Variants in COL14A1 observed in about 807,000 individuals in gnomAD.
The protein encoded by COL14A1 is collagen alpha-1(XIV) chain.
COL14A1 carries 136 observed loss-of-function variants against 230.3 expected under a neutral mutation model. That is an observed-to-expected ratio of 0.59 (90% CI 0.51 to 0.68). The LOEUF (loss-of-function observed/expected upper bound fraction) is 0.68. COL14A1 is among the 30% of genes least tolerant of loss of function. COL14A1 has a pLI of 0.00. For synonymous variants in COL14A1, 792 were observed against 784.1 expected (o/e 1.01, Z -0.17); for missense variants, 1,976 against 2,215.8 (o/e 0.89, Z 2.17).
At chr8:120,205,068 C>A (rs1051617935) in intron 9 of COL14A1, among the ~76,000 whole-genome samples, 3 of 150,940 alleles carry the variant, frequency 2.0e-5, no homozygotes, top group African/African-American at 4.9e-5. Flanking sequence ...TCCCACTAGG[C>A]CTTTGCTGGC....
intron 8 of COL14A1, among the ~76,000 whole-genome samples, chr8:120,201,325 T>A (rs1817240570): frequency 6.6e-6 from 1 of 152,140 alleles, no homozygotes; most frequent in Admixed American, 6.6e-5. Context: ...TAGCTCAGTG[T>A]TGTGCAGGAG....
intron 35 of COL14A1, among the ~76,000 whole-genome samples, chr8:120,299,031 T>A (rs928138440): frequency 2.0e-5 from 3 of 151,866 alleles, no homozygotes; most frequent in Admixed American, 1.3e-4. Flanking sequence ...AAGAATGTGC[T>A]CACTATCACA....
At chr8:120,324,927 A>G (rs1821607113) in intron 40 of COL14A1, among the ~76,000 whole-genome samples, 2 of 152,180 alleles carry the variant, frequency 1.3e-5, no homozygotes, top group East Asian at 1.9e-4. Context: ...CCTAGAAACT[A>G]TAAACTTTTA....
In COL14A1 at chr8:120,255,178, G is replaced by C. The variant is rs138789364; in HGVS notation, c.2753-62G>C. 3.7e-4 allele frequency: 501 copies of C among 1,339,610 alleles called. 5 individuals are homozygous for C. The East Asian group carries it at 0.011, about 31-fold the overall frequency. The allele number at this position is 1,339,610 out of a possible 1,614,324, so 83.0% of individuals were successfully genotyped here. A position where few individuals can be genotyped will look rare whatever the true frequency, so the allele number is the denominator to read the frequency against. Reference sequence around the variant, plus strand: ...AAAATTTTTCCAGAAGTTAATTTCAGATTCAGGGATGCTTGTGTGTTGTCT... The same window carrying C: ...AAAATTTTTCCAGAAGTTAATTTCACATTCAGGGATGCTTGTGTGTTGTCT... On this transcript the variant is annotated intron_variant, in intron 22 of 47. Coordinates refer to ENST00000297848, the MANE Select transcript of COL14A1 (RefSeq NM_021110.4).
At position 120,345,573 on chromosome 8, in the gene COL14A1, G is replaced by T. The variant is rs200707826; in HGVS notation, c.5077+10G>T. ...ACCCCAGGAGAACGAGGTAAGCTGGGCCCCTTCTCTCAGAGGAACTCCTCT... is the reference window on the plus strand; with the variant it reads ...ACCCCAGGAGAACGAGGTAAGCTGGTCCCCTTCTCTCAGAGGAACTCCTCT... On this transcript the variant is annotated intron_variant, in intron 45 of 47. Coordinates refer to ENST00000297848, the MANE Select transcript of COL14A1 (RefSeq NM_021110.4). 1.3e-6 allele frequency: 2 copies of T among 1,521,046 alleles called. No homozygotes were observed. Among genetic ancestry groups the T allele is most frequent in the Non-Finnish European group, 1.8e-6 (2 of 1,140,732 alleles). The allele number at this position is 1,521,046 out of a possible 1,614,324, so 94.2% of individuals were successfully genotyped here.
chr8:120,358,324 G>C (rs1423420278), intron 45 of COL14A1, among the ~76,000 whole-genome samples: 6 of 151,956 alleles, frequency 3.9e-5, no homozygotes, highest in Admixed American at 3.9e-4. Flanking sequence ...TTACAATGAG[G>C]CTACATTGTC....
At chr8:120,328,281 T>G (rs1821751685) in intron 40 of COL14A1, among the ~76,000 whole-genome samples, 1 of 152,178 alleles carries the variant, frequency 6.6e-6, no homozygotes, top group South Asian at 2.1e-4. Flanking sequence ...TCACCCAGAC[T>G]GGAGTGCAGT....
At chr8:120,190,229 T>A (rs1234287737) in intron 5 of COL14A1, among the ~76,000 whole-genome samples, 1 of 152,164 alleles carries the variant, frequency 6.6e-6, no homozygotes, top group African/African-American at 2.4e-5. Context: ...ATTTCTCTGA[T>A]GGCCAGTGAT....
chr8:120,182,767 C>A (rs1171024287), intron 5 of COL14A1, among the ~76,000 whole-genome samples: 3 of 135,690 alleles, frequency 2.2e-5, no homozygotes, highest in Non-Finnish European at 4.5e-5. Context: ...CACTCTGTAG[C>A]CCAAGCTAAA....
chr8:120,237,138 G>A (rs976616516), intron 19 of COL14A1, among the ~76,000 whole-genome samples: 6 of 152,138 alleles, frequency 3.9e-5, no homozygotes, highest in Non-Finnish European at 7.3e-5. Context: ...TGTATTTCCT[G>A]AATTTGAATG....
In COL14A1 at chr8:120,208,378, AC is replaced by A; in HGVS notation, c.1321+21del. ...AAACTACACGTATGTATTTAATTCT[AC>A]CCCACTTCTAACTTTGTAGAGTGCT... On this transcript the variant is annotated intron_variant, in intron 11 of 47. Coordinates refer to ENST00000297848, the MANE Select transcript of COL14A1 (RefSeq NM_021110.4). The A allele has an allele frequency of 6.2e-7, 1 of 1,608,544 alleles. No homozygotes were observed.
At chr8:120,236,401 G>A (rs903094713) in intron 19 of COL14A1, among the ~76,000 whole-genome samples, 2 of 151,012 alleles carry the variant, frequency 1.3e-5, no homozygotes, top group East Asian at 3.9e-4. Flanking sequence ...ATCTTTGTTG[G>A]CTTAAAATCT....
intron 7 of COL14A1, among the ~76,000 whole-genome samples, chr8:120,199,197 T>A (rs1278583125): frequency 1.3e-5 from 2 of 152,204 alleles, no homozygotes; most frequent in Non-Finnish European, 2.9e-5. Flanking sequence ...GAATGCAGTG[T>A]TTAATTATTT....
chr8:120,270,938 T>C (rs1187256468), intron 26 of COL14A1, among the ~76,000 whole-genome samples: 7 of 151,698 alleles, frequency 4.6e-5, no homozygotes, highest in African/African-American at 1.7e-4. Context: ...ATGTTCATTG[T>C]GGCAGTATTC....
rs915438932 is a variant in COL14A1 at position 120,147,887 on chromosome 8, T to G, written c.45T>G (p.Pro15=). 3.7e-6 allele frequency: 6 copies of G among 1,611,354 alleles called. No individual in the cohort carries two copies. The highest frequency in any genetic ancestry group is 1.3e-5 in the African/African-American group (1 of 74,864). The change falls in exon 2 of 48, where the codon CCT becomes CCG. Residue 15 remains proline, a synonymous_variant. Coordinates refer to ENST00000297848, the MANE Select transcript of COL14A1 (RefSeq NM_021110.4). ...QRKMRYWLLP[P]FLAIVYFCTI... ...AGATGCGGTACTGGTTGCTTCCACC[T>G]TTTTTGGCAATTGTTTATTTCTGCA...
chr8:120,137,319 T>A (rs1814748998), intron 1 of COL14A1, among the ~76,000 whole-genome samples: 1 of 152,154 alleles, frequency 6.6e-6, no homozygotes, highest in Non-Finnish European at 1.5e-5. Flanking sequence ...ATATCCTCTG[T>A]TATTCCTGGT....
At chr8:120,337,311 G>A (rs1204235865) in intron 42 of COL14A1, among the ~76,000 whole-genome samples, 1 of 149,540 alleles carries the variant, frequency 6.7e-6, no homozygotes, top group Non-Finnish European at 1.5e-5. Flanking sequence ...GACGAGAATC[G>A]CTTAAACCCG....
At chr8:120,355,405 T>C (rs1822943303) in intron 45 of COL14A1, among the ~76,000 whole-genome samples, 6 of 128,630 alleles carry the variant, frequency 4.7e-5, no homozygotes, top group Admixed American at 3.7e-4. Context: ...AATTTCAGTC[T>C]TTTTTTTTTT....
intron 8 of COL14A1, among the ~76,000 whole-genome samples, chr8:120,200,708 T>C (rs1187333685): frequency 8.2e-6 from 1 of 122,106 alleles, no homozygotes; most frequent in African/African-American, 3.1e-5. Context: ...CTAAAAAGTT[T>C]TCCTATTTAT....
Sources: gnomAD v4.1 joint callset for allele counts (sites outside exome capture counted in the v4.1 genomes callset) on GRCh38, gnomAD v4.1.1 for gene constraint, MANE v1.5 for transcripts, NCBI Gene and HGNC (gene_info 2026-07-23, HGNC 2026-07-21) for gene names.